The following SPNS2 variants were observed in gnomAD, a reference collection of about 807,000 sequenced individuals.
SPNS2 encodes SPNS lysolipid transporter 2, sphingosine-1-phosphate.
SPNS2 carries 37 observed loss-of-function variants against 57.6 expected under a neutral mutation model. The ratio of observed to expected loss-of-function variants is 0.64; its 90% CI spans 0.49 to 0.85. SPNS2 has a LOEUF of 0.85. Among genes scored for constraint, SPNS2 ranks in the 40% least tolerant of loss-of-function variants. The pLI is 0.00. For missense variants in SPNS2, 831 were observed against 779.1 expected, an observed-to-expected ratio of 1.07 and a Z score of -0.79; for synonymous variants, 440 against 346.9, an observed-to-expected ratio of 1.27 and a Z score of -2.98.
intron 9 of SPNS2, 88 bp from the exon 10 acceptor site, chr17:4,535,988 G>A: frequency 3.6e-6 from 4 of 1,098,176 alleles, no homozygotes; most frequent in Non-Finnish European, 5.3e-6. Flanking sequence ...TGAGGGTGTG[G>A]GGGCTTCAGA....
chr17:4,537,719 G>A lies in SPNS2; in HGVS notation c.*271G>A, dbSNP rs143410207. 1 of 456,674 alleles carries A rather than the reference G, an allele frequency of 2.2e-6. No individual in the cohort carries two copies. Among genetic ancestry groups the A allele is most frequent in the African/African-American group, 2.0e-5 (1 of 50,102 alleles). The allele number at this position is 456,674 out of a possible 1,614,324, so 28.3% of individuals were successfully genotyped here. A position where few individuals can be genotyped will look rare whatever the true frequency, so the allele number is the denominator to read the frequency against. The stretch of plus-strand genomic sequence containing the variant: ...CCGCAGGGCCCCTGGGGCCAAGGAA[G>A]AAGACAGCCCCAAGTGGGTGTCCGG... On this transcript the variant is annotated 3_prime_UTR_variant, in exon 13 of 13. Transcript: ENST00000329078.
intron 2 of SPNS2, among the ~76,000 whole-genome samples, chr17:4,519,520 C>T (rs1597364039): frequency 6.7e-6 from 1 of 149,592 alleles, no homozygotes; most frequent in African/African-American, 2.5e-5. Context: ...GCTGGTCTGA[C>T]CCCTCCCTCC....
chr17:4,536,532 C>T, intron 11 of SPNS2, 106 bp downstream of exon 11: 2 of 1,356,226 alleles, frequency 1.5e-6, no homozygotes, highest in Non-Finnish European at 2.0e-6. Context: ...ACAGACCTCC[C>T]ATGCACTCAG....
At chr17:4,519,538 C>G (rs1194267963) in intron 2 of SPNS2, among the ~76,000 whole-genome samples, 1 of 152,168 alleles carries the variant, frequency 6.6e-6, no homozygotes, top group Admixed American at 6.5e-5. Flanking sequence ...TCCCTGCTGT[C>G]ACGGCCCTGC....
At chr17:4,535,296 CGCGGGTGCGA>C (rs1350442259) in intron 9 of SPNS2, among the ~76,000 whole-genome samples, 2 of 152,138 alleles carry the variant, frequency 1.3e-5, no homozygotes, top group Non-Finnish European at 2.9e-5. Flanking sequence ...TGAGGGTGCC[CGCGGGTGCGA>C]GCGGAGGCTC....
At position 4,530,798 on chromosome 17, in the gene SPNS2, T is replaced by C. The variant is rs754840739; in HGVS notation, c.725+15T>C. 2 of 1,607,912 alleles carry C rather than the reference T, an allele frequency of 1.2e-6. No individual in the cohort carries two copies. Among genetic ancestry groups the C allele is most frequent in the Non-Finnish European group, 1.7e-6 (2 of 1,176,780 alleles). On this transcript the variant is annotated intron_variant, in intron 4 of 12. Coordinates refer to ENST00000329078, the MANE Select transcript of SPNS2 (RefSeq NM_001124758.3). ...CCACTGGGCAGGTGAGAGCCGGAGA[T>C]GCCAGGGTCTGGGTGAGGATCTGGG...
At chr17:4,520,987 G>A (rs1041220525) in intron 2 of SPNS2, among the ~76,000 whole-genome samples, 2 of 152,116 alleles carry the variant, frequency 1.3e-5, no homozygotes, top group Non-Finnish European at 2.9e-5. Context: ...CTGATCTGAA[G>A]TTTATATTTC....
intron 9 of SPNS2, among the ~76,000 whole-genome samples, chr17:4,534,739 G>A (rs1905687429): frequency 6.6e-6 from 1 of 152,102 alleles, no homozygotes; most frequent in Non-Finnish European, 1.5e-5. Flanking sequence ...GGGAGGCCTG[G>A]CGCAGTTCAG....
rs1487834455 is a variant in SPNS2 at position 4,499,903 on chromosome 17, C to T, written c.370+486C>T. Among the ~76,000 whole-genome samples the T allele has an allele frequency of 1.3e-5, 2 of 152,212 alleles. No individual in the cohort carries two copies. The highest frequency in any genetic ancestry group is 2.9e-5 in the Non-Finnish European group (2 of 68,026). On this transcript the variant is annotated intron_variant, in intron 1 of 12. Coordinates refer to ENST00000329078, the MANE Select transcript of SPNS2 (RefSeq NM_001124758.3). This position sits in a 1 kb window ranked among gnomAD's most constrained non-coding sequence, Gnocchi z 5.2. ...GTGCGTGCGGCGAGTGCGCGCGCCC[C>T]TTGCGGGTGTGCGCTAGGGAGACCG...
chr17:4,513,228 C>T lies in SPNS2; in HGVS notation c.371-19C>T. The T allele has an allele frequency of 6.2e-7, 1 of 1,613,582 alleles. No individual in the cohort carries two copies. The highest frequency in any genetic ancestry group is 1.1e-5 in the South Asian group (1 of 91,074). ...AGCCATCAGACTCGGCCAGTGAGCA[C>T]CCTCTGTCTTCCCTCCAGGCGTCCT... is the stretch of plus-strand genomic sequence containing the variant. On this transcript the variant is annotated intron_variant, in intron 1 of 12. Transcript: ENST00000329078.
chr17:4,502,523 C>A (rs1904549349), intron 1 of SPNS2, among the ~76,000 whole-genome samples: 1 of 152,184 alleles, frequency 6.6e-6, no homozygotes, highest in Non-Finnish European at 1.5e-5. Flanking sequence ...TGGCCAGGGG[C>A]CACTAGAGTG....
At chr17:4,518,671 G>A (rs1905060696) in intron 2 of SPNS2, among the ~76,000 whole-genome samples, 1 of 152,220 alleles carries the variant, frequency 6.6e-6, no homozygotes, top group South Asian at 2.1e-4. Flanking sequence ...GGATGGGGAT[G>A]GGGGAACGGA....
intron 9 of SPNS2, among the ~76,000 whole-genome samples, chr17:4,534,174 C>A (rs1399177031): frequency 6.6e-6 from 1 of 152,196 alleles, no homozygotes; most frequent in African/African-American, 2.4e-5. Flanking sequence ...GCCCTCCTCC[C>A]CCCGCTGGGT....
chr17:4,535,430 A>G (rs564469323), intron 9 of SPNS2, among the ~76,000 whole-genome samples: 1 of 152,226 alleles, frequency 6.6e-6, no homozygotes, highest in East Asian at 1.9e-4. Flanking sequence ...GTGAGGACAA[A>G]TGGCTGTGGC....
Position 4,530,745 on chromosome 17 carries a change from C to T in SPNS2, c.687C>T (p.Leu229=), listed in dbSNP as rs528760587. ...GDLFTKNTRT[L]MLSVFYFAIP... ...TCTTCACCAAGAACACGCGTACGCT[C>T]ATGCTGTCCGTCTTCTACTTCGCCA... Residue 229 remains leucine (L), a synonymous_variant, in exon 4 of 13, where the codon CTC becomes CTT. Transcript: ENST00000329078. 2.2e-4 allele frequency: 357 copies of T among 1,614,002 alleles called. 3 individuals are homozygous for T. In the South Asian group the frequency reaches 3.5e-3, roughly 16 times the overall value.
chr17:4,536,551 C>G (rs923260021), intron 11 of SPNS2, 125 bp downstream of exon 11: 17 of 1,221,784 alleles, frequency 1.4e-5, no homozygotes, highest in Non-Finnish European at 1.8e-5. Context: ...AGTGCACCCA[C>G]TGGTTGCTGG....
At chr17:4,506,358 G>A (rs1904678216) in intron 1 of SPNS2, among the ~76,000 whole-genome samples, 1 of 152,164 alleles carries the variant, frequency 6.6e-6, no homozygotes, top group Non-Finnish European at 1.5e-5. Context: ...GTGTCTGGCT[G>A]GCATATCATG....
chr17:4,538,868 G>T lies in SPNS2; in HGVS notation c.*1420G>T, dbSNP rs370379631. On this transcript the variant is annotated 3_prime_UTR_variant, in exon 13 of 13. Coordinates refer to ENST00000329078, the MANE Select transcript of SPNS2 (RefSeq NM_001124758.3). ...ACTCCAGCCTCAGCGGGGCCCCAGC[G>T]ATGTTTTCTTGTTGTACAAGAACCA... 3.8e-6 allele frequency: 3 copies of T among 780,924 alleles called. No individual in the cohort carries two copies. The highest frequency in any genetic ancestry group is 1.7e-5 in the Admixed American group (1 of 59,004). The allele number at this position is 780,924 out of a possible 1,614,324, so 48.4% of individuals were successfully genotyped here. A position where few individuals can be genotyped will look rare whatever the true frequency, so the allele number is the denominator to read the frequency against.
intron 2 of SPNS2, among the ~76,000 whole-genome samples, chr17:4,522,987 C>T (rs765868212): frequency 5.9e-5 from 9 of 152,214 alleles, no homozygotes; most frequent in East Asian, 1.9e-4. Flanking sequence ...CAGTGGGCTC[C>T]GGGGCCCCAC....
Sources: gnomAD v4.1 joint callset for allele counts (sites outside exome capture counted in the v4.1 genomes callset) on GRCh38, gnomAD v4.1.1 for gene constraint, Gnocchi (gnomAD v3.1) non-coding constraint, MANE v1.5 for transcripts, NCBI Gene and HGNC (gene_info 2026-07-23, HGNC 2026-07-21) for gene names.